Variants in FYB1 observed in about 807,000 individuals in gnomAD.
FYB1 encodes FYN binding protein 1.
Under a neutral mutation model 94.1 loss-of-function variants are expected in FYB1, and 41 were observed. That is an observed-to-expected ratio of 0.44 (90% CI 0.34 to 0.57). The LOEUF (loss-of-function observed/expected upper bound fraction) is 0.57, where lower values mean the gene tolerates loss of function less well. Ranked by LOEUF, FYB1 falls within the 20% of genes least tolerant of loss-of-function variation. The pLI is 0.02. For missense variants in FYB1, 1,050 were observed against 976.8 expected (o/e 1.07, Z -1.00); for synonymous variants, 367 against 353.2 (o/e 1.04, Z -0.44).
At chr5:39,118,192 C>T (rs983807480) in intron 16 of FYB1, among the ~76,000 whole-genome samples, 49 of 152,278 alleles carry the variant, frequency 3.2e-4, no homozygotes, top group African/African-American at 1.1e-3. Context: ...GCATGAGCCA[C>T]CGCACCTGGC....
chr5:39,206,315 C>T (rs915433748), intron 1 of FYB1, among the ~76,000 whole-genome samples: 3 of 152,192 alleles, frequency 2.0e-5, no homozygotes, highest in African/African-American at 7.2e-5. Context: ...ATTGTTTAAT[C>T]ATGATGACTG....
chr5:39,191,091 A>G (rs144667315), intron 2 of FYB1, among the ~76,000 whole-genome samples: 2 of 152,322 alleles, frequency 1.3e-5, no homozygotes, highest in African/African-American at 4.8e-5. Context: ...AATAAGAAAA[A>G]CAAATACTCA....
intron 1 of FYB1, among the ~76,000 whole-genome samples, chr5:39,265,058 G>T (rs1465000540): frequency 1.3e-5 from 2 of 152,158 alleles, no homozygotes; most frequent in Non-Finnish European, 2.9e-5. Context: ...ATTTTTGGCC[G>T]GGTTCGGTGG....
At chr5:39,170,045 C>A in intron 2 of FYB1, 3 of 809,634 alleles carry the variant, frequency 3.7e-6, no homozygotes, top group Non-Finnish European at 6.5e-6. Context: ...GGATGAGAGG[C>A]CTCCACTGGT....
chr5:39,153,364 G>A, intron 3 of FYB1, 84 bp downstream of exon 3: 1 of 1,516,888 alleles, frequency 6.6e-7, no homozygotes, highest in Non-Finnish European at 9.1e-7. Context: ...GTTTCCCATG[G>A]AACTCTCAGC....
chr5:39,127,224 GTATTCAA>G, intron 11 of FYB1, among the ~76,000 whole-genome samples: 1 of 151,424 alleles, frequency 6.6e-6, no homozygotes, highest in East Asian at 1.9e-4. Flanking sequence ...AAAGGATTAA[GTATTCAA>G]TACTGGTTCT....
chr5:39,238,547 G>A (rs78373234), intron 1 of FYB1, among the ~76,000 whole-genome samples: 5 of 152,006 alleles, frequency 3.3e-5, no homozygotes, highest in African/African-American at 1.2e-4. Context: ...CAGCTGTCAT[G>A]TGAGAAAAAA....
Position 39,134,855 on chromosome 5 carries a change from A to G in FYB1, c.1675T>C (p.Tyr559His), listed in dbSNP as rs760720606. ...AAGCCATAGAGAAATTTGCACTCAC[A>G]TGAACCCCTTGCTGTTCTGCCCAAC... ...KWLGRTARGS[Y>H]GYIKTTAVEI... The change falls in exon 8 of 19, where the codon TAT becomes CAT. Residue 559 changes from tyrosine to histidine, a missense_variant and splice_region_variant. Tyr to His is a moderately conservative substitution (Grantham distance 83). Transcript: ENST00000512982. 5 of 1,613,862 alleles carry G rather than the reference A, an allele frequency of 3.1e-6. No homozygotes were observed. The highest frequency in any genetic ancestry group is 1.7e-5 in the Admixed American group (1 of 60,008).
At chr5:39,182,135 G>A (rs1746298644) in intron 2 of FYB1, among the ~76,000 whole-genome samples, 1 of 152,058 alleles carries the variant, frequency 6.6e-6, no homozygotes, top group Non-Finnish European at 1.5e-5. Flanking sequence ...TTCGGTTCCT[G>A]CCTAACTAAC....
chr5:39,217,317 T>C (rs1749942202), intron 1 of FYB1, among the ~76,000 whole-genome samples: 1 of 152,192 alleles, frequency 6.6e-6, no homozygotes, highest in Non-Finnish European at 1.5e-5. Context: ...ACCAAGGTCC[T>C]TCATTTTACA....
intron 8 of FYB1, 32 bp downstream of exon 8, chr5:39,134,823 T>C (rs1246276859): frequency 1.9e-6 from 3 of 1,610,840 alleles, no homozygotes; most frequent in South Asian, 1.1e-5. Context: ...GCAAAGAAAA[T>C]ACTTCGAAGC....
rs904359047 is a variant in FYB1 at position 39,134,345 on chromosome 5, G to A, written c.1680C>T (p.Gly560=). ...WLGRTARGSY[G]YIKTTAVEID... is the part of the protein sequence containing the mutation. Reference sequence around the variant, plus strand: ...TCTCTACAGCAGTTGTTTTAATATAGCCATCTACCAAAAAGGGAAATATTT... The same window carrying A: ...TCTCTACAGCAGTTGTTTTAATATAACCATCTACCAAAAAGGGAAATATTT... The change falls in exon 9 of 19, where the codon GGC becomes GGT. Residue 560 remains glycine (G), a synonymous_variant. Transcript: ENST00000512982. The A allele has an allele frequency of 5.3e-5, 84 of 1,595,834 alleles. No homozygotes were observed. The highest frequency in any genetic ancestry group is 7.0e-5 in the Non-Finnish European group (82 of 1,168,108).
Position 39,105,618 on chromosome 5 carries a change from T to C in FYB1, c.*1825A>G, listed in dbSNP as rs961246606. ...GGGCACTCTGAAAGTTTAGCAAGCT[T>C]ATCAAGGAGTCCTCAAACTAAAGCT... On this transcript the variant is annotated 3_prime_UTR_variant, in exon 19 of 19. Transcript: ENST00000512982. The C allele has an allele frequency of 6.6e-6, 1 of 152,146 alleles. No homozygotes were observed. 9.4% of individuals were successfully genotyped at this position (152,146 alleles called of 1,614,324 possible).
At chr5:39,274,397 T>C (rs993492329) in intron 1 of FYB1, 1 of 152,176 alleles carries the variant, frequency 6.6e-6, no homozygotes, top group Admixed American at 6.5e-5. Flanking sequence ...GGATGTCGAA[T>C]CTCACCTTTT....
At chr5:39,174,300 T>C (rs1745507923) in intron 2 of FYB1, among the ~76,000 whole-genome samples, 1 of 152,214 alleles carries the variant, frequency 6.6e-6, no homozygotes, top group African/African-American at 2.4e-5. Flanking sequence ...ATAGAATCCC[T>C]TTTGGGCCTA....
chr5:39,269,375 C>T (rs1346835946), intron 1 of FYB1, among the ~76,000 whole-genome samples: 1 of 151,866 alleles, frequency 6.6e-6, no homozygotes, highest in Non-Finnish European at 1.5e-5. Context: ...CTAGGAATCC[C>T]GGACCTAAAG....
chr5:39,125,846 C>A (rs1204759584), intron 12 of FYB1, 152 bp downstream of exon 12: 2 of 673,432 alleles, frequency 3.0e-6, no homozygotes, highest in Non-Finnish European at 2.4e-6. Flanking sequence ...AAGGTGACAC[C>A]ATAAACGGGG....
chr5:39,253,121 A>T (rs866149689), intron 1 of FYB1, among the ~76,000 whole-genome samples: 1 of 152,208 alleles, frequency 6.6e-6, no homozygotes, highest in Non-Finnish European at 1.5e-5. Context: ...TGCTCACATT[A>T]TCTAGTCTAT....
chr5:39,247,436 T>C lies in FYB1; in HGVS notation c.-28+26967A>G, dbSNP rs79121042. On this transcript the variant is annotated intron_variant, in intron 1 of 1. Transcript: ENST00000510188. The stretch of plus-strand genomic sequence containing the variant: ...GCACAAATAGAGTCCAATATACCAT[T>C]TACCTTCAGCTCTTATTCAAAGGTT... Among the ~76,000 whole-genome samples the C allele has an allele frequency of 6.5e-3, 987 of 152,128 alleles. 14 individuals carry two copies. The highest frequency in any genetic ancestry group is 0.023 in the African/African-American group (936 of 41,496).
Sources: gnomAD v4.1 joint callset for allele counts (sites outside exome capture counted in the v4.1 genomes callset) on GRCh38, gnomAD v4.1.1 for gene constraint, MANE v1.5 for transcripts, NCBI Gene and HGNC (gene_info 2026-07-23, HGNC 2026-07-21) for gene names.